CDKAL1: variants seen among roughly 807,000 people sequenced by gnomAD.
CDKAL1 encodes the protein threonylcarbamoyladenosine tRNA methylthiotransferase.
In CDKAL1, 32 loss-of-function variants were observed where a neutral mutation model predicts 68.2. The ratio of observed to expected loss-of-function variants is 0.47; its 90% CI spans 0.35 to 0.63. The LOEUF (loss-of-function observed/expected upper bound fraction) is 0.63. Ranked by LOEUF, CDKAL1 falls within the 30% of genes least tolerant of loss-of-function variation. The pLI is 0.00. For missense variants in CDKAL1, 606 were observed against 696.7 expected (o/e 0.87, Z 1.47); for synonymous variants, 234 against 244.3 (o/e 0.96, Z 0.39).
chr6:20,865,964 G>A (rs761259321), intron 9 of CDKAL1, among the ~76,000 whole-genome samples: 16 of 152,130 alleles, frequency 1.1e-4, no homozygotes, highest in Non-Finnish European at 1.9e-4. Context: ...GCTGGAAACC[G>A]AGTACTTCAG....
chr6:20,980,428 AG>A (rs1252080526), intron 10 of CDKAL1, among the ~76,000 whole-genome samples: 2 of 151,890 alleles, frequency 1.3e-5, no homozygotes, highest in African/African-American at 4.8e-5. Context: ...TAGTAGAGAC[AG>A]GGTTTCACCG....
intron 11 of CDKAL1, among the ~76,000 whole-genome samples, chr6:21,059,524 G>A (rs56146146): frequency 0.19 from 28,857 of 152,094 alleles, 2,857 homozygotes; most frequent in Middle Eastern, 0.23. Flanking sequence ...ATCACTCACC[G>A]CCTCCCTTGG....
intron 4 of CDKAL1, among the ~76,000 whole-genome samples, chr6:20,638,260 T>A (rs575050630): frequency 1.2e-3 from 183 of 152,324 alleles, no homozygotes; most frequent in African/African-American, 3.7e-3. Flanking sequence ...GTATTTTTTT[T>A]AAAAAGTGCA....
rs903075058 is a variant in CDKAL1 at position 20,914,289 on chromosome 6, C to CA, written c.743-41121dup. Among the ~76,000 whole-genome samples, 11 of 150,478 alleles carry CA rather than the reference C, an allele frequency of 7.3e-5. No individual in the cohort carries two copies. In the South Asian group the frequency reaches 1.5e-3, roughly 20 times the overall value. On this transcript the variant is annotated intron_variant, in intron 9 of 15. Transcript: ENST00000274695. ...TGGGTGACAGAGTGAGACTCCATCT[C>CA]AAAAAAAAAGAAAAAATAACCAAAG...
chr6:20,717,356 GA>G (rs1236905135), intron 5 of CDKAL1, among the ~76,000 whole-genome samples: 1 of 151,724 alleles, frequency 6.6e-6, no homozygotes, highest in Non-Finnish European at 1.5e-5. Flanking sequence ...AAGCTTTGTA[GA>G]AGGGAAAAGG....
At chr6:20,828,912 G>C (rs1777605422) in intron 8 of CDKAL1, among the ~76,000 whole-genome samples, 1 of 152,022 alleles carries the variant, frequency 6.6e-6, no homozygotes, top group Admixed American at 6.6e-5. Flanking sequence ...ACTACCCTAG[G>C]TACCTCATAT....
chr6:20,902,311 TCACACACACACACACA>T (rs71658260), intron 9 of CDKAL1, among the ~76,000 whole-genome samples: 2 of 8,224 alleles, frequency 2.4e-4, no homozygotes, highest in Non-Finnish European at 3.9e-4. Flanking sequence ...CGTGGTGGAT[TCACACACACACACACA>T]CACACACACA....
chr6:20,959,928 G>C (rs756569490), intron 10 of CDKAL1, among the ~76,000 whole-genome samples: 14 of 152,122 alleles, frequency 9.2e-5, no homozygotes, highest in Non-Finnish European at 4.4e-5. Flanking sequence ...AACCCAACAA[G>C]GTTCACATGA....
intron 5 of CDKAL1, among the ~76,000 whole-genome samples, chr6:20,734,135 C>T (rs985550129): frequency 1.0e-4 from 14 of 140,498 alleles, no homozygotes; most frequent in African/African-American, 3.7e-4. Context: ...GGCATCAGAG[C>T]GAGACTCTGT....
At chr6:20,621,840 C>T (rs1767209675) in intron 4 of CDKAL1, among the ~76,000 whole-genome samples, 1 of 151,506 alleles carries the variant, frequency 6.6e-6, no homozygotes, top group African/African-American at 2.4e-5. Context: ...ATTTCCTGCC[C>T]CAGTCTTAAA....
intron 9 of CDKAL1, among the ~76,000 whole-genome samples, chr6:20,950,908 T>C (rs1004618210): frequency 6.6e-6 from 1 of 150,518 alleles, no homozygotes; most frequent in African/African-American, 2.4e-5. Context: ...AGGCGGAGGT[T>C]ACAGTGAGCC....
chr6:21,029,125 T>C (rs1769122739), intron 11 of CDKAL1, among the ~76,000 whole-genome samples: 1 of 152,138 alleles, frequency 6.6e-6, no homozygotes, highest in Non-Finnish European at 1.5e-5. Context: ...TGGCTCACTG[T>C]AACCTTGACA....
intron 8 of CDKAL1, among the ~76,000 whole-genome samples, chr6:20,783,898 A>G (rs189241763): frequency 9.0e-4 from 137 of 152,256 alleles, no homozygotes; most frequent in Admixed American, 3.0e-3. Flanking sequence ...ACATCTATGC[A>G]TACTCAAGTA....
At chr6:20,714,007 TTTC>T (rs1185846637) in intron 5 of CDKAL1, among the ~76,000 whole-genome samples, 4 of 152,122 alleles carry the variant, frequency 2.6e-5, no homozygotes, top group African/African-American at 9.7e-5. Context: ...AGCAAAATGA[TTTC>T]TTATGACACT....
intron 15 of CDKAL1, among the ~76,000 whole-genome samples, chr6:21,205,255 A>G (rs549730059): frequency 2.6e-5 from 4 of 152,320 alleles, no homozygotes; most frequent in African/African-American, 9.6e-5. Context: ...AATATTTGCT[A>G]TGAACATGGG....
At chr6:20,731,720 G>C (rs1300175739) in intron 5 of CDKAL1, among the ~76,000 whole-genome samples, 1 of 152,200 alleles carries the variant, frequency 6.6e-6, no homozygotes, top group Admixed American at 6.5e-5. Flanking sequence ...CTGTCTATCA[G>C]GTGACATAAA....
At chr6:20,687,680 C>T (rs916150505) in intron 5 of CDKAL1, among the ~76,000 whole-genome samples, 5 of 152,044 alleles carry the variant, frequency 3.3e-5, no homozygotes, top group African/African-American at 1.2e-4. Context: ...CACTCACCAC[C>T]ACATGCAGCT....
intron 11 of CDKAL1, among the ~76,000 whole-genome samples, chr6:21,061,224 C>T (rs1771125128): frequency 6.6e-6 from 1 of 152,088 alleles, no homozygotes; most frequent in African/African-American, 2.4e-5. Context: ...AGGTCAGATG[C>T]ATAATTCGAA....
chr6:20,946,841 C>T (rs1764261919), intron 9 of CDKAL1, among the ~76,000 whole-genome samples: 1 of 152,104 alleles, frequency 6.6e-6, no homozygotes, highest in African/African-American at 2.4e-5. Context: ...AGGTGATCCG[C>T]CCACCTCAGC....
Sources: allele counts gnomAD v4.1 joint callset (sites outside exome capture counted in the v4.1 genomes callset), GRCh38; gene constraint gnomAD v4.1.1; transcripts MANE v1.5; gene names NCBI Gene and HGNC (gene_info 2026-07-23, HGNC 2026-07-21).